ATL2: variants seen among roughly 807,000 people sequenced by gnomAD.
ATL2 encodes the protein atlastin-2.
ATL2 carries 31 observed loss-of-function variants against 73.9 expected under a neutral mutation model. That is an observed-to-expected ratio of 0.42 (90% CI 0.32 to 0.57). The LOEUF is 0.57. Among genes scored for constraint, ATL2 ranks in the 20% least tolerant of loss-of-function variants. The pLI, the probability that ATL2 is intolerant of heterozygous loss-of-function variation, is 0.14. For missense variants in ATL2, 738 were observed against 702.6 expected (o/e 1.05, Z -0.57); for synonymous variants, 291 against 237.5 (o/e 1.23, Z -2.07).
intron 1 of ATL2, among the ~76,000 whole-genome samples, chr2:38,362,692 G>A (rs115383516): frequency 0.024 from 3,695 of 152,324 alleles, 67 homozygotes; most frequent in Middle Eastern, 0.041. Context: ...GAGAACTACA[G>A]ATTCAGTAGT....
At chr2:38,322,211 C>T (rs570912833) in intron 2 of ATL2, among the ~76,000 whole-genome samples, 2 of 151,948 alleles carry the variant, frequency 1.3e-5, no homozygotes, top group South Asian at 4.2e-4. Flanking sequence ...AAATCTGGTA[C>T]TTAATGAATT....
intron 9 of ATL2, among the ~76,000 whole-genome samples, chr2:38,302,144 G>A (rs1667222709): frequency 6.6e-6 from 1 of 152,178 alleles, no homozygotes; most frequent in Non-Finnish European, 1.5e-5. Context: ...TTCATCACGT[G>A]CTGACTCAAG....
At chr2:38,296,831 T>C (rs1666921732) in intron 12 of ATL2, 2 of 1,357,542 alleles carry the variant, frequency 1.5e-6, no homozygotes, top group South Asian at 3.0e-5. Context: ...GATTCTTCCA[T>C]TTAATTGTTT....
At chr2:38,335,269 C>G (rs1669287360) in intron 2 of ATL2, among the ~76,000 whole-genome samples, 1 of 151,970 alleles carries the variant, frequency 6.6e-6, no homozygotes, top group South Asian at 2.1e-4. Flanking sequence ...GAATTCAGTG[C>G]TTACATCACA....
rs1666876588 is a variant in ATL2, at chr2:38,296,054, G to C, written c.1692C>G (p.Asn564Lys). The C allele has an allele frequency of 6.4e-7, 1 of 1,551,580 alleles. No homozygotes were observed. The highest frequency in any genetic ancestry group is 2.0e-5 in the Admixed American group (1 of 50,982). Residue 564 changes from asparagine (N) to lysine (K), a missense_variant, in exon 13 of 13, where the codon AAC becomes AAG. By Grantham distance (94) the Asn-to-Lys change is moderately conservative (BLOSUM62 0). Transcript: ENST00000378954. ...GGTCAGTCAGGCCTGCTTTGATAGA[G>C]TTTGTTACAGACTGCCTTATGTTTT... ...MEENIRQSVTNSIKAGLTDQV... is the reference protein window; with the variant it reads ...MEENIRQSVTKSIKAGLTDQV...
intron 1 of ATL2, among the ~76,000 whole-genome samples, chr2:38,362,314 A>C (rs1384859184): frequency 6.6e-6 from 1 of 152,204 alleles, no homozygotes; most frequent in Non-Finnish European, 1.5e-5. Context: ...TACCAGACAT[A>C]TCACGGGGCA....
intron 1 of ATL2, among the ~76,000 whole-genome samples, chr2:38,347,029 CA>C (rs1670053871): frequency 1.3e-5 from 2 of 152,290 alleles, no homozygotes; most frequent in South Asian, 4.2e-4. Flanking sequence ...CAAGTTTAGT[CA>C]TTCTATACTC....
In ATL2 at chr2:38,354,685, T is replaced by C. The variant is rs527360714; in HGVS notation, c.119-11173A>G. ...CAGGAGAATCACCTGAGGTTGAGAG[T>C]TCGAGACCAGCCTGACCAACATGGA... is the stretch of plus-strand genomic sequence containing the variant. On this transcript the variant is annotated intron_variant, in intron 1 of 12. Coordinates refer to ENST00000378954, the MANE Select transcript of ATL2 (RefSeq NM_001135673.4). 6.6e-5 allele frequency among the ~76,000 whole-genome samples: 10 copies of C among 151,604 alleles called. No homozygotes were observed. The East Asian group carries it at 1.7e-3, about 27-fold the overall frequency.
At chr2:38,375,107 AAAG>A (rs1410308358) in intron 1 of ATL2, among the ~76,000 whole-genome samples, 1 of 152,214 alleles carries the variant, frequency 6.6e-6, no homozygotes, top group East Asian at 1.9e-4. Flanking sequence ...TACATTCCTA[AAAG>A]AATAAACACA....
intron 2 of ATL2, among the ~76,000 whole-genome samples, chr2:38,321,627 T>G (rs1385664669): frequency 6.6e-6 from 1 of 152,236 alleles, no homozygotes; most frequent in East Asian, 1.9e-4. Context: ...ATCGTGCCAC[T>G]GTCCTGCTGA....
At chr2:38,358,008 A>G (rs1670779340) in intron 1 of ATL2, among the ~76,000 whole-genome samples, 1 of 152,190 alleles carries the variant, frequency 6.6e-6, no homozygotes, top group African/African-American at 2.4e-5. Context: ...TAACATGAAT[A>G]CACATCACCT....
chr2:38,354,919 G>C (rs568844424), intron 1 of ATL2, among the ~76,000 whole-genome samples: 1 of 151,720 alleles, frequency 6.6e-6, no homozygotes, highest in Non-Finnish European at 1.5e-5. Flanking sequence ...AAGCCAATAA[G>C]AAACCAAAAT....
At chr2:38,377,389 G>A (rs1164935410), upstream of ATL2, 2 of 724,752 alleles carry the variant, frequency 2.8e-6, no homozygotes, top group Admixed American at 6.3e-5. Flanking sequence ...CTCGCCCTCC[G>A]CCTGTATCTC....
intron 2 of ATL2, among the ~76,000 whole-genome samples, chr2:38,319,355 T>C (rs140752196): frequency 1.8e-3 from 271 of 152,260 alleles, no homozygotes; most frequent in Non-Finnish European, 3.2e-3. Context: ...TCCCAGCACT[T>C]TGGGAGGCTG....
rs13418494 is a variant in ATL2 at position 38,363,821 on chromosome 2, G to T, written c.118+13322C>A. On this transcript the variant is annotated intron_variant, in intron 1 of 12. Transcript: ENST00000378954. The stretch of plus-strand genomic sequence containing the variant: ...ACTCTTAACGGTTCTAACACAAAAA[G>T]TATAAAAGGATACTGTAAAATAAAG... 1.8e-4 allele frequency among the ~76,000 whole-genome samples: 27 copies of T among 152,246 alleles called. 3 individuals carry two copies. Among genetic ancestry groups the T allele is most frequent in the Admixed American group, 9.2e-4 (14 of 15,298 alleles).
At chr2:38,303,966 G>A (rs6544151) in intron 9 of ATL2, among the ~76,000 whole-genome samples, 15,168 of 151,922 alleles carry the variant, frequency 0.1, 2,516 homozygotes, top group African/African-American at 0.34. Flanking sequence ...TGACGTCTCT[G>A]TTAAAAACAA....
chr2:38,367,995 C>T (rs13003504), intron 1 of ATL2, among the ~76,000 whole-genome samples: 35,398 of 150,018 alleles, frequency 0.24, 4,236 homozygotes, highest in South Asian at 0.38. Flanking sequence ...AGTGCAGTGG[C>T]GCAATCTCGG....
chr2:38,308,147 T>G (rs1160892156), intron 9 of ATL2, among the ~76,000 whole-genome samples: 2 of 152,236 alleles, frequency 1.3e-5, no homozygotes, highest in African/African-American at 4.8e-5. Flanking sequence ...AAGATACATC[T>G]GCACTTTCAT....
At chr2:38,360,897 G>A (rs1459373447) in intron 1 of ATL2, among the ~76,000 whole-genome samples, 2 of 151,340 alleles carry the variant, frequency 1.3e-5, no homozygotes, top group Non-Finnish European at 2.9e-5. Context: ...ACGAAACATG[G>A]TTCCTTGTTC....
Sources: gnomAD v4.1 joint callset for allele counts (sites outside exome capture counted in the v4.1 genomes callset) on GRCh38, gnomAD v4.1.1 for gene constraint, MANE v1.5 for transcripts, NCBI Gene and HGNC (gene_info 2026-07-23, HGNC 2026-07-21) for gene names.